Variants in PPP2R2B observed in about 807,000 individuals in gnomAD.
PPP2R2B encodes protein phosphatase 2 regulatory subunit Bbeta, also known as serine/threonine-protein phosphatase 2A 55 kDa regulatory subunit B beta isoform.
PPP2R2B carries 5 observed loss-of-function variants against 46.0 expected under a neutral mutation model. The ratio of observed to expected loss-of-function variants is 0.11; its 90% CI spans 0.06 to 0.23. The LOEUF is 0.23. Ranked by LOEUF, PPP2R2B falls within the 10% of genes least tolerant of loss-of-function variation. The pLI, the probability that PPP2R2B is intolerant of heterozygous loss-of-function variation, is 1.00. For synonymous variants in PPP2R2B, 215 were observed against 206.7 expected (o/e 1.04, Z -0.34); for missense variants, 367 against 575.0 (o/e 0.64, Z 3.70).
chr5:146,779,391 G>A (rs993254946), intron 2 of PPP2R2B, among the ~76,000 whole-genome samples: 1 of 152,138 alleles, frequency 6.6e-6, no homozygotes, highest in Admixed American at 6.5e-5. Context: ...TGGGCCTGAT[G>A]TACAGTGAGG....
chr5:147,081,176 G>T (rs918057125), intron 1 of PPP2R2B: 2 of 1,534,634 alleles, frequency 1.3e-6, no homozygotes, highest in Non-Finnish European at 8.7e-7. Context: ...TTAGGTAAGA[G>T]CTCCCAGTTG....
chr5:147,069,142 G>A (rs994548214), intron 2 of PPP2R2B, among the ~76,000 whole-genome samples: 13 of 152,112 alleles, frequency 8.5e-5, no homozygotes, highest in African/African-American at 2.7e-4. Context: ...GCTTTTGGGC[G>A]CTGAACAAAA....
intron 2 of PPP2R2B, among the ~76,000 whole-genome samples, chr5:146,764,210 G>T (rs1754330793): frequency 6.6e-6 from 1 of 152,076 alleles, no homozygotes; most frequent in Admixed American, 6.5e-5. Context: ...TGGGCTGTAG[G>T]GACCTGAGTC....
intron 1 of PPP2R2B, among the ~76,000 whole-genome samples, chr5:146,929,512 G>C (rs1224707880): frequency 6.6e-6 from 1 of 152,034 alleles, no homozygotes; most frequent in Non-Finnish European, 1.5e-5. Flanking sequence ...TGAAAAAGAA[G>C]AGTCCATGGC....
intron 2 of PPP2R2B, among the ~76,000 whole-genome samples, chr5:146,801,979 A>C (rs1756896134): frequency 6.6e-6 from 1 of 152,200 alleles, no homozygotes; most frequent in Non-Finnish European, 1.5e-5. Context: ...TCAATGGGGT[A>C]ATTCTGTTTT....
At chr5:146,764,316 A>G (rs1355362076) in intron 2 of PPP2R2B, among the ~76,000 whole-genome samples, 1 of 152,198 alleles carries the variant, frequency 6.6e-6, no homozygotes, top group Non-Finnish European at 1.5e-5. Context: ...GAAGATTTTT[A>G]AGTAGGAACA....
intron 1 of PPP2R2B, among the ~76,000 whole-genome samples, chr5:147,045,743 C>T (rs949277496): frequency 6.6e-6 from 1 of 152,098 alleles, no homozygotes; most frequent in Non-Finnish European, 1.5e-5. Context: ...CGTACAGGGT[C>T]ACATCACTTG....
rs1754842568 is a variant in PPP2R2B, at chr5:146,771,363, C to T, written c.71-70221G>A. Among the ~76,000 whole-genome samples the T allele has an allele frequency of 2.0e-5, 3 of 152,238 alleles. No homozygotes were observed. The East Asian group carries it at 5.8e-4, about 29-fold the overall frequency. ...TTCTGATCACTAAACACAATAAATC[C>T]CTTGCGAACAGGTGCTACTAATTTT... is the stretch of plus-strand genomic sequence containing the variant. On this transcript the variant is annotated intron_variant, in intron 2 of 9. Coordinates refer to ENST00000394411, the MANE Select transcript of PPP2R2B (RefSeq NM_181675.4).
At chr5:146,956,375 A>G (rs1211630421) in intron 1 of PPP2R2B, among the ~76,000 whole-genome samples, 3 of 152,154 alleles carry the variant, frequency 2.0e-5, no homozygotes, top group Non-Finnish European at 4.4e-5. Flanking sequence ...ACTATGTGGA[A>G]CTGTCATCAC....
intron 2 of PPP2R2B, chr5:146,707,717 C>T (rs1296366886): frequency 8.7e-6 from 4 of 457,962 alleles, no homozygotes; most frequent in African/African-American, 5.9e-5. Context: ...TGTACACTTA[C>T]AGAAACTTCT....
chr5:146,806,275 CTG>C (rs939517589), intron 2 of PPP2R2B, among the ~76,000 whole-genome samples: 1 of 152,182 alleles, frequency 6.6e-6, no homozygotes, highest in Admixed American at 6.5e-5. Flanking sequence ...TTTTAAGAAA[CTG>C]TGCATCTCAG....
intron 2 of PPP2R2B, among the ~76,000 whole-genome samples, chr5:146,755,843 G>A (rs1025501610): frequency 1.2e-4 from 19 of 152,256 alleles, no homozygotes; most frequent in Admixed American, 7.2e-4. Flanking sequence ...CCTGATCCTC[G>A]TCTGTGGCTA....
intron 3 of PPP2R2B, among the ~76,000 whole-genome samples, chr5:146,699,411 C>G (rs1779406188): frequency 6.6e-6 from 1 of 152,220 alleles, no homozygotes; most frequent in South Asian, 2.1e-4. Context: ...TAACGCTTAA[C>G]TGCAGGTTCT....
At chr5:146,605,413 A>G (rs879848685) in intron 7 of PPP2R2B, among the ~76,000 whole-genome samples, 3 of 152,060 alleles carry the variant, frequency 2.0e-5, no homozygotes, top group Non-Finnish European at 4.4e-5. Context: ...CCTAATCCCC[A>G]CTACTCTAGG....
chr5:146,946,708 G>T (rs1302970204), intron 1 of PPP2R2B, among the ~76,000 whole-genome samples: 1 of 152,028 alleles, frequency 6.6e-6, no homozygotes, highest in Admixed American at 6.6e-5. Context: ...CTAACCAGAG[G>T]TCTTGAGGAA....
chr5:146,849,215 C>A (rs745689475), intron 2 of PPP2R2B, among the ~76,000 whole-genome samples: 11 of 152,148 alleles, frequency 7.2e-5, no homozygotes, highest in Non-Finnish European at 1.6e-4. Flanking sequence ...TTCTTTTAGG[C>A]CCTCTCAGCT....
chr5:146,623,378 T>C (rs1001011693), intron 7 of PPP2R2B, among the ~76,000 whole-genome samples: 10 of 152,260 alleles, frequency 6.6e-5, no homozygotes, highest in African/African-American at 2.4e-4. Flanking sequence ...AACTTTATAT[T>C]AGAAACATTT....
chr5:146,890,623 G>A (rs1561498725), intron 1 of PPP2R2B, among the ~76,000 whole-genome samples: 1 of 152,186 alleles, frequency 6.6e-6, no homozygotes, highest in East Asian at 1.9e-4. Flanking sequence ...GAACTTGTAA[G>A]CAAGGTTGTA....
At chr5:146,603,793 C>T in intron 7 of PPP2R2B, among the ~76,000 whole-genome samples, 1 of 152,116 alleles carries the variant, frequency 6.6e-6, no homozygotes, top group African/African-American at 2.4e-5. Context: ...TATGATTCTT[C>T]ATTTTATATA....
Sources: allele counts gnomAD v4.1 joint callset (sites outside exome capture counted in the v4.1 genomes callset), GRCh38; gene constraint gnomAD v4.1.1; transcripts MANE v1.5; gene names NCBI Gene and HGNC (gene_info 2026-07-23, HGNC 2026-07-21).